OCA2: variants seen among roughly 807,000 people sequenced by gnomAD.
The protein encoded by OCA2 is P protein.
OCA2 carries 77 observed loss-of-function variants against 100.2 expected under a neutral mutation model. The ratio of observed to expected loss-of-function variants is 0.77; its 90% CI spans 0.64 to 0.93. The LOEUF (loss-of-function observed/expected upper bound fraction) is 0.93. OCA2 is among the 40% of genes least tolerant of loss of function. The probability of loss-of-function intolerance (pLI) is 0.00; values close to 1 mark genes in which losing one functional copy is unlikely to be tolerated. For synonymous variants in OCA2, 432 were observed against 439.2 expected (o/e 0.98, Z 0.21); for missense variants, 1,062 against 1,089.1 (o/e 0.98, Z 0.35).
intron 2 of OCA2, among the ~76,000 whole-genome samples, chr15:28,074,125 A>T (rs756247256): frequency 4.6e-5 from 7 of 152,234 alleles, no homozygotes; most frequent in Non-Finnish European, 7.3e-5. Context: ...TAGCCAAAGC[A>T]ATCTTGAGAA....
intron 23 of OCA2, among the ~76,000 whole-genome samples, chr15:27,788,241 A>G (rs1263296847): frequency 1.3e-5 from 2 of 151,998 alleles, no homozygotes; most frequent in African/African-American, 4.8e-5. Context: ...TAGGTCAAGT[A>G]ATTGCGAGTA....
At chr15:28,025,242 G>A (rs1454910586) in intron 4 of OCA2, among the ~76,000 whole-genome samples, 1 of 152,136 alleles carries the variant, frequency 6.6e-6, no homozygotes, top group Non-Finnish European at 1.5e-5. Flanking sequence ...GCCTTATCTT[G>A]TCTCTCTGAT....
At chr15:27,936,614 T>C (rs551548437) in intron 18 of OCA2, among the ~76,000 whole-genome samples, 1 of 152,284 alleles carries the variant, frequency 6.6e-6, no homozygotes, top group East Asian at 1.9e-4. Flanking sequence ...CCTGATTCAA[T>C]CCTCACAGCA....
intron 23 of OCA2, among the ~76,000 whole-genome samples, chr15:27,800,000 G>C (rs551356610): frequency 6.6e-6 from 1 of 152,098 alleles, no homozygotes; most frequent in Admixed American, 6.5e-5. Context: ...GGTCATACAA[G>C]GTATCTTACC....
chr15:27,993,843 TC>T (rs996814529), intron 9 of OCA2, among the ~76,000 whole-genome samples: 1 of 152,020 alleles, frequency 6.6e-6, no homozygotes, highest in African/African-American at 2.4e-5. Flanking sequence ...AACCATCACT[TC>T]CCATTTAAAA....
At chr15:28,021,770 G>A (rs1258199795) in intron 6 of OCA2, among the ~76,000 whole-genome samples, 5 of 152,182 alleles carry the variant, frequency 3.3e-5, no homozygotes, top group Non-Finnish European at 7.3e-5. Context: ...GGCAGCCAGA[G>A]GGCGCAGTGG....
intron 1 of OCA2, among the ~76,000 whole-genome samples, chr15:28,089,600 G>A (rs962478585): frequency 6.6e-6 from 1 of 152,190 alleles, no homozygotes; most frequent in African/African-American, 2.4e-5. Context: ...TTTACCCATA[G>A]CCCTAACATA....
At chr15:28,022,918 G>A (rs2042639831) in intron 5 of OCA2, among the ~76,000 whole-genome samples, 1 of 152,222 alleles carries the variant, frequency 6.6e-6, no homozygotes, top group Admixed American at 6.5e-5. Flanking sequence ...GGTAGCAGGT[G>A]TTTGTGAAAT....
Position 27,957,479 on chromosome 15 carries a change from C to G in OCA2, c.1784+109G>C. 7.7e-7 allele frequency: 1 copy of G among 1,291,036 alleles called. No homozygotes were observed. Among genetic ancestry groups the G allele is most frequent in the Non-Finnish European group, 1.1e-6 (1 of 896,286 alleles). The allele number at this position is 1,291,036 out of a possible 1,614,324, so 80.0% of individuals were successfully genotyped here. The stretch of plus-strand genomic sequence containing the variant: ...ACTATAAGAGGCTTAGCACAGTGTG[C>G]GTCACCTAAATATCACGTATTAGTA... On this transcript the variant is annotated intron_variant, in intron 16 of 23. Transcript: ENST00000354638. The surrounding 1 kb of genome is among the most constrained non-coding windows in gnomAD (Gnocchi z 4.3).
At chr15:28,047,217 C>A (rs2043373320) in intron 2 of OCA2, among the ~76,000 whole-genome samples, 1 of 152,144 alleles carries the variant, frequency 6.6e-6, no homozygotes, top group Non-Finnish European at 1.5e-5. Flanking sequence ...AGTCAAATCA[C>A]CTGAGGAATT....
chr15:27,754,903 C>T lies in OCA2; in HGVS notation c.*485G>A, dbSNP rs975165812. On this transcript the variant is annotated 3_prime_UTR_variant, in exon 24 of 24. Transcript: ENST00000354638. ...TATCAAGGAACAGTTTATTTTAATA[C>T]ATAAAATGTTTCCTTACGAGCAGTA... is the stretch of plus-strand genomic sequence containing the variant. 1.6e-5 allele frequency: 3 copies of T among 188,356 alleles called. No individual in the cohort carries two copies. The allele number at this position is 188,356 out of a possible 1,614,324, so 11.7% of individuals were successfully genotyped here. A position where few individuals can be genotyped will look rare whatever the true frequency, so the allele number is the denominator to read the frequency against.
intron 23 of OCA2, among the ~76,000 whole-genome samples, chr15:27,798,066 T>C (rs879787162): frequency 6.6e-6 from 1 of 152,224 alleles, no homozygotes; most frequent in Non-Finnish European, 1.5e-5. Context: ...ACGTGTGACA[T>C]GCCGTCGCTA....
At chr15:27,835,403 A>C (rs901496513) in intron 23 of OCA2, among the ~76,000 whole-genome samples, 2 of 152,156 alleles carry the variant, frequency 1.3e-5, no homozygotes, top group Non-Finnish European at 1.5e-5. Context: ...CCCCACCGCC[A>C]TCCCAGCAGT....
At chr15:27,813,811 C>T (rs1468789000) in intron 23 of OCA2, among the ~76,000 whole-genome samples, 1 of 152,064 alleles carries the variant, frequency 6.6e-6, no homozygotes, top group Non-Finnish European at 1.5e-5. Context: ...AAACTAGAGC[C>T]AAGAGGAAAA....
At chr15:27,736,652 G>A in the OCA2 span, among the ~76,000 whole-genome samples, 5 of 152,204 alleles carry the variant, frequency 3.3e-5, no homozygotes, top group Admixed American at 3.3e-4. Context: ...TCTGGTTGAA[G>A]CAAAGAAATA....
chr15:28,061,610 T>C (rs1365014072), intron 2 of OCA2, among the ~76,000 whole-genome samples: 1 of 152,246 alleles, frequency 6.6e-6, no homozygotes, highest in Admixed American at 6.5e-5. Flanking sequence ...GAGAGTGCAC[T>C]CACCCCTTCC....
At chr15:27,727,480 G>A in the OCA2 span, among the ~76,000 whole-genome samples, 7 of 152,338 alleles carry the variant, frequency 4.6e-5, no homozygotes, top group Non-Finnish European at 8.8e-5. Context: ...AGAGAACACC[G>A]AAGGTGCAGG....
intron 23 of OCA2, among the ~76,000 whole-genome samples, chr15:27,769,869 C>A (rs2031577697): frequency 1.3e-5 from 1 of 74,630 alleles, no homozygotes; most frequent in Admixed American, 9.5e-5. Context: ...AGCACCTCGG[C>A]CTGTGTGCAG....
chr15:27,792,312 A>C (rs996124377), intron 23 of OCA2, among the ~76,000 whole-genome samples: 1 of 151,802 alleles, frequency 6.6e-6, no homozygotes, highest in Admixed American at 6.6e-5. Context: ...TTTTATGCAC[A>C]TGAATGAACC....
Sources: allele counts gnomAD v4.1 joint callset (sites outside exome capture counted in the v4.1 genomes callset), GRCh38; gene constraint gnomAD v4.1.1; non-coding constraint Gnocchi (gnomAD v3.1); transcripts MANE v1.5; gene names NCBI Gene and HGNC (gene_info 2026-07-23, HGNC 2026-07-21).